Variants in GTPBP2 observed in about 807,000 individuals in gnomAD.
The protein encoded by GTPBP2 is GTP-binding protein 2.
GTPBP2 carries 32 observed loss-of-function variants against 63.0 expected under a neutral mutation model. That is an observed-to-expected ratio of 0.51 (90% CI 0.38 to 0.68). The LOEUF (loss-of-function observed/expected upper bound fraction) is 0.68. GTPBP2 is among the 30% of genes least tolerant of loss of function. The pLI is 0.00. For missense variants in GTPBP2, 492 were observed against 796.9 expected, an observed-to-expected ratio of 0.62 and a Z score of 4.61; for synonymous variants, 310 against 322.6, an observed-to-expected ratio of 0.96 and a Z score of 0.42.
chr6:43,623,237 C>T (rs969450211), intron 9 of GTPBP2: 17 of 180,998 alleles, frequency 9.4e-5, no homozygotes, highest in Middle Eastern at 2.4e-3. Context: ...ACTAAAAATA[C>T]AAAAATTAGC....
At chr6:43,621,863 C>T (rs1230430046) in intron 11 of GTPBP2, 73 bp from the exon 12 acceptor site, 1 of 1,608,400 alleles carries the variant, frequency 6.2e-7, no homozygotes, top group African/African-American at 1.3e-5. Flanking sequence ...GGCTCTCCAC[C>T]CTCCAGAGGC....
In GTPBP2 at chr6:43,622,608, T is replaced by G. The variant is rs1358329871; in HGVS notation, c.1467+25A>C. On this transcript the variant is annotated intron_variant, in intron 10 of 11. Transcript: ENST00000307126. This position sits in a 1 kb window ranked among gnomAD's most constrained non-coding sequence, Gnocchi z 5.4. ...CCTAGGCACTTCTCTTAGCGTTCCC[T>G]CCCCAACCCATGCACCCACCTCACC... 6.3e-7 allele frequency: 1 copy of G among 1,595,916 alleles called. No homozygotes were observed. Among genetic ancestry groups the G allele is most frequent in the Non-Finnish European group, 8.6e-7 (1 of 1,165,576 alleles).
upstream of GTPBP2, among the ~76,000 whole-genome samples, chr6:43,630,534 G>A (rs528085961): frequency 6.6e-6 from 1 of 152,084 alleles, no homozygotes; most frequent in Non-Finnish European, 1.5e-5. Context: ...CCTGAAGTCA[G>A]GTGTTCGAGA....
chr6:43,625,662 G>C lies in GTPBP2; in HGVS notation c.507+94C>G. 1 of 1,405,156 alleles carries C rather than the reference G, an allele frequency of 7.1e-7. No homozygotes were observed. The allele number at this position is 1,405,156 out of a possible 1,614,324, so 87.0% of individuals were successfully genotyped here. A position where few individuals can be genotyped will look rare whatever the true frequency, so the allele number is the denominator to read the frequency against. ...CTCCCTAGGGAGCAAGTGATGAACT[G>C]GAAGCCCCCAGGATCCCAGGCCAGG... On this transcript the variant is annotated intron_variant, in intron 4 of 11. Coordinates refer to ENST00000307126, the MANE Select transcript of GTPBP2 (RefSeq NM_019096.5). This position sits in a 1 kb window ranked among gnomAD's most constrained non-coding sequence, Gnocchi z 5.1.
chr6:43,622,850 T>C lies in GTPBP2; in HGVS notation c.1296-46A>G, dbSNP rs1376251899. The C allele has an allele frequency of 1.1e-5, 16 of 1,441,862 alleles. No homozygotes were observed. The highest frequency in any genetic ancestry group is 1.5e-5 in the Non-Finnish European group (16 of 1,042,044). 89.3% of individuals were successfully genotyped at this position (1,441,862 alleles called of 1,614,324 possible). ...GGCACAGTGTCAGCCAAGGTCCCCA[T>C]ACCTACTTCTCTATTAGGATCACCC... On this transcript the variant is annotated intron_variant, in intron 9 of 11. Transcript: ENST00000307126. The surrounding 1 kb of genome is among the most constrained non-coding windows in gnomAD (Gnocchi z 5.4).
At chr6:43,629,953 G>T (rs961516728), upstream of GTPBP2, among the ~76,000 whole-genome samples, 1 of 152,232 alleles carries the variant, frequency 6.6e-6, no homozygotes, top group African/African-American at 2.4e-5. Flanking sequence ...ACCCGAACCC[G>T]TAAACCAGCT....
intron 1 of GTPBP2, chr6:43,628,534 CTG>C (rs1769611954): frequency 2.1e-5 from 20 of 972,698 alleles, no homozygotes; most frequent in Non-Finnish European, 2.3e-5. Context: ...TTCCCGAGTA[CTG>C]TGTGTGTGTC....
At chr6:43,628,576 T>C in intron 1 of GTPBP2, 3 of 958,206 alleles carry the variant, frequency 3.1e-6, no homozygotes, top group Non-Finnish European at 3.7e-6. Context: ...TTTTCCCGGG[T>C]ACTCCCCTTC....
chr6:43,624,998 G>C lies in GTPBP2; in HGVS notation c.770C>G (p.Thr257Ser). The C allele has an allele frequency of 6.2e-7, 1 of 1,614,038 alleles. No individual in the cohort carries two copies. Among genetic ancestry groups the C allele is most frequent in the Non-Finnish European group, 8.5e-7 (1 of 1,179,970 alleles). Residue 257 changes from threonine to serine, a missense_variant, in exon 6 of 12, where the codon ACC (threonine) becomes AGC (serine). Physicochemically the swap from Thr to Ser is moderately conservative, Grantham distance 58. Coordinates refer to ENST00000307126, the MANE Select transcript of GTPBP2 (RefSeq NM_019096.5). The surrounding 1 kb of genome is among the most constrained non-coding windows in gnomAD (Gnocchi z 5.1). Reference protein sequence around the residue: ...EICESSSKMITFIDLAGHHKY... With the variant: ...EICESSSKMISFIDLAGHHKY... ...ATGGTGGCCTGCCAGGTCGATGAAG[G>C]TGATCATCTTGGAGCTGCTCTCACA... is the stretch of plus-strand genomic sequence containing the variant.
At chr6:43,628,665 G>A in intron 1 of GTPBP2, 3 of 806,470 alleles carry the variant, frequency 3.7e-6, no homozygotes, top group South Asian at 2.9e-5. Context: ...TTGCCCTATG[G>A]CGGCACACGC....
chr6:43,625,172 C>T lies in GTPBP2; in HGVS notation c.706-110G>A. 1 of 1,145,414 alleles carries T rather than the reference C, an allele frequency of 8.7e-7. No individual in the cohort carries two copies. Among genetic ancestry groups the T allele is most frequent in the Non-Finnish European group, 1.3e-6 (1 of 794,294 alleles). 71.0% of individuals were successfully genotyped at this position (1,145,414 alleles called of 1,614,324 possible). A position where few individuals can be genotyped will look rare whatever the true frequency, so the allele number is the denominator to read the frequency against. The stretch of plus-strand genomic sequence containing the variant: ...GTGACCCTGCCTCTTAATCTTGACC[C>T]CATTTTTTATTTAATTTAGTTGATT... On this transcript the variant is annotated intron_variant, in intron 5 of 11. Coordinates refer to ENST00000307126, the MANE Select transcript of GTPBP2 (RefSeq NM_019096.5). This position sits in a 1 kb window ranked among gnomAD's most constrained non-coding sequence, Gnocchi z 5.1.
In GTPBP2 at chr6:43,624,183, T is replaced by C; in HGVS notation, c.1101-115A>G. 1.1e-6 allele frequency: 1 copy of C among 874,668 alleles called. No homozygotes were observed. 54.2% of individuals were successfully genotyped at this position (874,668 alleles called of 1,614,324 possible). On this transcript the variant is annotated intron_variant, in intron 7 of 11. Transcript: ENST00000307126. This position sits in a 1 kb window ranked among gnomAD's most constrained non-coding sequence, Gnocchi z 5.1. ...TCTGGCTGGGGGCCCCTCTCTCCTG[T>C]CTGCAAATGGCTCAGGAACTCTGGG...
In GTPBP2 at chr6:43,625,645, G is replaced by T. The variant is rs1769246551; in HGVS notation, c.508-85C>A. ...GGTCAAGGGCAGTGACGCTCCCTAG[G>T]GAGCAAGTGATGAACTGGAAGCCCC... On this transcript the variant is annotated intron_variant, in intron 4 of 11. Transcript: ENST00000307126. This position sits in a 1 kb window ranked among gnomAD's most constrained non-coding sequence, Gnocchi z 5.1. 1 of 1,417,784 alleles carries T rather than the reference G, an allele frequency of 7.1e-7. No individual in the cohort carries two copies. The highest frequency in any genetic ancestry group is 1.0e-6 in the Non-Finnish European group (1 of 1,002,346). 87.8% of individuals were successfully genotyped at this position (1,417,784 alleles called of 1,614,324 possible). A position where few individuals can be genotyped will look rare whatever the true frequency, so the allele number is the denominator to read the frequency against.
Position 43,621,442 on chromosome 6 carries a change from G to T in GTPBP2, c.*172C>A. On this transcript the variant is annotated 3_prime_UTR_variant, in exon 12 of 12. Coordinates refer to ENST00000307126, the MANE Select transcript of GTPBP2 (RefSeq NM_019096.5). ...TTCTCCCTCAGGACTGCCCTTTCCT[G>T]GCCACACCAAGTTTGGCACCTCTCC... The T allele has an allele frequency of 6.5e-7, 1 of 1,546,510 alleles. No individual in the cohort carries two copies. The highest frequency in any genetic ancestry group is 8.7e-7 in the Non-Finnish European group (1 of 1,144,288).
In GTPBP2 at chr6:43,622,594, C is replaced by G. The variant is rs371811079; in HGVS notation, c.1467+39G>C. ...TCAGTAGCCAGTCTCCTAGGCACTT[C>G]TCTTAGCGTTCCCTCCCCAACCCAT... is the stretch of plus-strand genomic sequence containing the variant. On this transcript the variant is annotated intron_variant, in intron 10 of 11. Coordinates refer to ENST00000307126, the MANE Select transcript of GTPBP2 (RefSeq NM_019096.5). The surrounding 1 kb of genome is among the most constrained non-coding windows in gnomAD (Gnocchi z 5.4). 2.3e-5 allele frequency: 37 copies of G among 1,579,504 alleles called. No individual in the cohort carries two copies. The highest frequency in any genetic ancestry group is 3.2e-5 in the Non-Finnish European group (37 of 1,153,336).
At chr6:43,627,370 C>CT in intron 1 of GTPBP2, 1 of 994,372 alleles carries the variant, frequency 1.0e-6, no homozygotes, top group Non-Finnish European at 1.2e-6. Flanking sequence ...TCCTCCCTGC[C>CT]TGCCCCTTTC....
Position 43,625,964 on chromosome 6 carries a change from C to A in GTPBP2, c.399-100G>T. On this transcript the variant is annotated intron_variant, in intron 3 of 11. Coordinates refer to ENST00000307126, the MANE Select transcript of GTPBP2 (RefSeq NM_019096.5). This position sits in a 1 kb window ranked among gnomAD's most constrained non-coding sequence, Gnocchi z 5.1. ...CTTCCTGCACCTCCCACAGAGCTCC[C>A]AATACCTTAGTGCACTTCCTACCAC... 1 of 915,826 alleles carries A rather than the reference C, an allele frequency of 1.1e-6. No individual in the cohort carries two copies. The highest frequency in any genetic ancestry group is 1.8e-6 in the Non-Finnish European group (1 of 556,322). 56.7% of individuals were successfully genotyped at this position (915,826 alleles called of 1,614,324 possible). A position where few individuals can be genotyped will look rare whatever the true frequency, so the allele number is the denominator to read the frequency against.
At chr6:43,628,613 T>C (rs1441017420) in intron 1 of GTPBP2, 11 of 868,122 alleles carry the variant, frequency 1.3e-5, no homozygotes, top group Non-Finnish European at 1.5e-5. Context: ...TTAGAAGAAG[T>C]GGTGGTTACT....
intron 1 of GTPBP2, chr6:43,628,452 G>T: frequency 1.6e-6 from 1 of 643,222 alleles, no homozygotes; most frequent in Non-Finnish European, 1.9e-6. Context: ...GCCAAAGTTT[G>T]ATAACCACTG....
Sources: gnomAD v4.1 joint callset for allele counts (sites outside exome capture counted in the v4.1 genomes callset) on GRCh38, gnomAD v4.1.1 for gene constraint, Gnocchi (gnomAD v3.1) non-coding constraint, MANE v1.5 for transcripts, NCBI Gene and HGNC (gene_info 2026-07-23, HGNC 2026-07-21) for gene names.